GALNT14: variants seen among roughly 807,000 people sequenced by gnomAD.
GALNT14 encodes the protein UDP-GalNAc:polypeptide N-acetylgalactosaminyltransferase 14.
GALNT14 carries 60 observed loss-of-function variants against 77.5 expected under a neutral mutation model. The observed-to-expected ratio is 0.77, with a 90% confidence interval of 0.63 to 0.96. The LOEUF is 0.96. GALNT14 is among the 40% of genes least tolerant of loss of function. The pLI, the probability that GALNT14 is intolerant of heterozygous loss-of-function variation, is 0.00. For synonymous variants in GALNT14, 280 were observed against 281.7 expected (o/e 0.99, Z 0.06); for missense variants, 710 against 731.0 (o/e 0.97, Z 0.33).
At chr2:31,126,166 A>T (rs767680052) in intron 1 of GALNT14, among the ~76,000 whole-genome samples, 2 of 152,206 alleles carry the variant, frequency 1.3e-5, no homozygotes, top group Non-Finnish European at 2.9e-5. Context: ...ATCCTGAAAG[A>T]GATAGCTTCT....
chr2:31,036,353 T>C (rs1459585198), intron 1 of GALNT14, among the ~76,000 whole-genome samples: 2 of 152,216 alleles, frequency 1.3e-5, no homozygotes, highest in South Asian at 2.1e-4. Flanking sequence ...ACAGTATAGT[T>C]TGAATTAATG....
chr2:30,956,816 C>T (rs1667401953), intron 4 of GALNT14, among the ~76,000 whole-genome samples: 2 of 152,228 alleles, frequency 1.3e-5, no homozygotes, highest in Non-Finnish European at 2.9e-5. Flanking sequence ...CCCCATTTCT[C>T]TTTTCTTATA....
intron 1 of GALNT14, among the ~76,000 whole-genome samples, chr2:31,031,582 C>T (rs1573202368): frequency 6.6e-6 from 1 of 152,158 alleles, no homozygotes; most frequent in Non-Finnish European, 1.5e-5. Context: ...TCACCACTTC[C>T]TCTCACCTCC....
In GALNT14 at chr2:30,995,543, G is replaced by C. The variant is rs141111624; in HGVS notation, c.130-2536C>G. On this transcript the variant is annotated intron_variant, in intron 1 of 14. Transcript: ENST00000349752. Reference sequence around the variant, plus strand: ...GGGTCTCACTCTGTCACCCAGGCTGGAGTACAGTGGCTCAACCATAGCTTA... The same window carrying C: ...GGGTCTCACTCTGTCACCCAGGCTGCAGTACAGTGGCTCAACCATAGCTTA... 6.0e-3 allele frequency among the ~76,000 whole-genome samples: 918 copies of C among 152,240 alleles called. 10 individuals are homozygous for C. Among genetic ancestry groups the C allele is most frequent in the Middle Eastern group, 0.037 (11 of 294 alleles).
intron 2 of GALNT14, among the ~76,000 whole-genome samples, chr2:30,989,583 A>ATATATATATATATATAAATATAT (rs56703340): frequency 8.7e-5 from 8 of 91,840 alleles, no homozygotes; most frequent in Admixed American, 2.9e-4. Context: ...TATATATATA[A>ATATATATATATATATAAATATAT]AAATATATAT....
chr2:31,124,675 C>T (rs1439477191), intron 1 of GALNT14, among the ~76,000 whole-genome samples: 1 of 152,126 alleles, frequency 6.6e-6, no homozygotes, highest in Non-Finnish European at 1.5e-5. Flanking sequence ...GGATGGAGTG[C>T]AGTGGTGCAA....
intron 1 of GALNT14, among the ~76,000 whole-genome samples, chr2:31,090,139 C>T (rs1204154406): frequency 6.6e-6 from 1 of 152,140 alleles, no homozygotes; most frequent in Non-Finnish European, 1.5e-5. Flanking sequence ...AAGTATCAGG[C>T]CAACCCACCC....
At chr2:30,900,990 T>C in the GALNT14 span, among the ~76,000 whole-genome samples, 1 of 152,086 alleles carries the variant, frequency 6.6e-6, no homozygotes, top group Non-Finnish European at 1.5e-5. Flanking sequence ...AAAATGATAA[T>C]CTGGGGAAGA....
chr2:31,078,073 G>A (rs1468336192), intron 1 of GALNT14, among the ~76,000 whole-genome samples: 1 of 152,212 alleles, frequency 6.6e-6, no homozygotes, highest in Non-Finnish European at 1.5e-5. Flanking sequence ...TGAAAATGCA[G>A]GACAAAATGG....
chr2:31,058,476 AG>A (rs1268856913), intron 1 of GALNT14, among the ~76,000 whole-genome samples: 24 of 152,190 alleles, frequency 1.6e-4, no homozygotes, highest in African/African-American at 5.3e-4. Flanking sequence ...TTTGATCATC[AG>A]GGTCAGAATC....
At chr2:30,906,016 G>T (rs1397887578), downstream of GALNT14, among the ~76,000 whole-genome samples, 223 of 149,724 alleles carry the variant, frequency 1.5e-3, 1 homozygote, top group Middle Eastern at 3.4e-3. Flanking sequence ...AATGCTGAGA[G>T]ATTTTGTCAC....
intron 1 of GALNT14, among the ~76,000 whole-genome samples, chr2:31,118,203 T>C (rs977695210): frequency 1.3e-5 from 2 of 152,248 alleles, no homozygotes; most frequent in Non-Finnish European, 2.9e-5. Flanking sequence ...GAGTTTTATA[T>C]GATCATTAAA....
chr2:30,962,012 A>G (rs1667723029), intron 3 of GALNT14, among the ~76,000 whole-genome samples: 1 of 152,070 alleles, frequency 6.6e-6, no homozygotes, highest in African/African-American at 2.4e-5. Flanking sequence ...CTTTCTACAG[A>G]TGGGGCCCAA....
chr2:30,971,833 AGTCAT>A (rs1347030129), intron 2 of GALNT14, among the ~76,000 whole-genome samples: 1 of 151,846 alleles, frequency 6.6e-6, no homozygotes, highest in Admixed American at 6.6e-5. Context: ...CAGTCATGGC[AGTCAT>A]GTCATGATGC....
intron 2 of GALNT14, among the ~76,000 whole-genome samples, chr2:30,984,101 GA>G (rs1043692944): frequency 6.6e-6 from 1 of 152,184 alleles, no homozygotes; most frequent in Non-Finnish European, 1.5e-5. Context: ...GTCTGGGGAT[GA>G]AGGACAGAGT....
At chr2:31,121,337 C>T (rs903356439) in intron 1 of GALNT14, among the ~76,000 whole-genome samples, 3 of 152,158 alleles carry the variant, frequency 2.0e-5, no homozygotes, top group African/African-American at 7.2e-5. Flanking sequence ...ACAGAACATA[C>T]ACAGCAACGC....
chr2:30,975,471 G>A (rs989465098), intron 2 of GALNT14, among the ~76,000 whole-genome samples: 1 of 152,192 alleles, frequency 6.6e-6, no homozygotes, highest in African/African-American at 2.4e-5. Flanking sequence ...CAAGCACTTA[G>A]TATGAAACAA....
intron 1 of GALNT14, among the ~76,000 whole-genome samples, chr2:31,103,515 T>G (rs1573353838): frequency 1.1e-5 from 1 of 91,510 alleles, no homozygotes; most frequent in African/African-American, 3.8e-5. Context: ...ACACATTACA[T>G]AGCCCCTAGG....
intron 1 of GALNT14, among the ~76,000 whole-genome samples, chr2:31,110,229 TAAATGCAG>T (rs1677767485): frequency 1.3e-5 from 2 of 152,164 alleles, no homozygotes; most frequent in East Asian, 3.9e-4. Context: ...CCGTGTATTA[TAAATGCAG>T]AGAGCACACA....
Sources: allele counts gnomAD v4.1 joint callset (sites outside exome capture counted in the v4.1 genomes callset), GRCh38; gene constraint gnomAD v4.1.1; transcripts MANE v1.5; gene names NCBI Gene and HGNC (gene_info 2026-07-23, HGNC 2026-07-21).